The following NRXN3 variants were observed in gnomAD, a reference collection of about 807,000 sequenced individuals.
NRXN3 encodes the protein neurexin 3.
Under a neutral mutation model 137.6 loss-of-function variants are expected in NRXN3, and 32 were observed. That is an observed-to-expected ratio of 0.23 (90% confidence interval 0.18 to 0.31). NRXN3 has a LOEUF of 0.31. Among genes scored for constraint, NRXN3 ranks in the 10% least tolerant of loss-of-function variants. NRXN3 has a pLI of 1.00. For synonymous variants in NRXN3, 798 were observed against 784.5 expected, an observed-to-expected ratio of 1.02 and a Z score of -0.29; for missense variants, 1,574 against 2,062.5, an observed-to-expected ratio of 0.76 and a Z score of 4.59.
intron 15 of NRXN3, among the ~76,000 whole-genome samples, chr14:79,349,622 C>A (rs2093103582): frequency 6.6e-6 from 1 of 150,450 alleles, no homozygotes; most frequent in South Asian, 2.1e-4. Flanking sequence ...GATGTCCTAA[C>A]CTCTAGTACC....
intron 20 of NRXN3, among the ~76,000 whole-genome samples, chr14:79,839,315 G>C (rs947068649): frequency 6.6e-6 from 1 of 152,018 alleles, no homozygotes; most frequent in African/African-American, 2.4e-5. Context: ...CTTGAACAGG[G>C]TTACATTGTA....
intron 1 of NRXN3, among the ~76,000 whole-genome samples, chr14:78,208,489 C>T (rs1421773390): frequency 6.6e-6 from 1 of 152,206 alleles, no homozygotes; most frequent in Non-Finnish European, 1.5e-5. Flanking sequence ...ATCAGTTATT[C>T]ATCTTTTAAA....
chr14:78,788,944 T>G (rs1252144785), intron 8 of NRXN3, among the ~76,000 whole-genome samples: 1 of 152,166 alleles, frequency 6.6e-6, no homozygotes, highest in Admixed American at 6.5e-5. Context: ...AAGCAATGAT[T>G]CTGAATGGGA....
At chr14:78,744,955 G>GT in intron 8 of NRXN3, 1 of 152,184 alleles carries the variant, frequency 6.6e-6, no homozygotes, top group Non-Finnish European at 1.5e-5. Context: ...CTGATCAGCA[G>GT]TTTTGACCAG....
chr14:78,872,411 A>G (rs1358756396), intron 10 of NRXN3, among the ~76,000 whole-genome samples: 2 of 151,144 alleles, frequency 1.3e-5, no homozygotes, highest in African/African-American at 2.4e-5. Context: ...CATATTAATG[A>G]TGAGGCTTTT....
intron 6 of NRXN3, among the ~76,000 whole-genome samples, chr14:78,677,857 C>A (rs745355112): frequency 4.9e-4 from 75 of 152,258 alleles, no homozygotes; most frequent in Middle Eastern, 3.4e-3. Flanking sequence ...CTGAGGCAGA[C>A]CCTACACCAG....
At chr14:78,882,727 C>T (rs2152659080) in intron 10 of NRXN3, among the ~76,000 whole-genome samples, 1 of 151,662 alleles carries the variant, frequency 6.6e-6, no homozygotes, top group South Asian at 2.1e-4. Context: ...TGGACTTGGA[C>T]TTTTGAGTTA....
chr14:79,506,634 T>G (rs1189290114), intron 16 of NRXN3, among the ~76,000 whole-genome samples: 3 of 152,226 alleles, frequency 2.0e-5, no homozygotes, highest in Non-Finnish European at 4.4e-5. Context: ...TTTCCTCTAC[T>G]ATTCTATCTA....
At position 79,072,910 on chromosome 14, in the gene NRXN3, A is replaced by C. The variant is rs116561258; in HGVS notation, c.3262+84769A>C. On this transcript the variant is annotated intron_variant, in intron 15 of 20. Coordinates refer to ENST00000335750, the MANE Select transcript of NRXN3 (RefSeq NM_001330195.2). ...TCTTTTTTTTTTTTTTGAGACGGAT[A>C]GTTTCATTCCTGTCGCCCAGGCTGG... Among the ~76,000 whole-genome samples, 704 of 135,340 alleles carry C rather than the reference A, an allele frequency of 5.2e-3. 7 individuals carry two copies. The highest frequency in any genetic ancestry group is 0.018 in the African/African-American group (661 of 37,078). 88.8% of individuals were successfully genotyped at this position (135,340 alleles called of 152,430 possible).
intron 14 of NRXN3, among the ~76,000 whole-genome samples, chr14:78,971,696 C>T (rs1290300064): frequency 1.3e-5 from 2 of 152,012 alleles, no homozygotes; most frequent in African/African-American, 2.4e-5. Context: ...AGTGCAGTGG[C>T]GTGATCTCGG....
At chr14:78,302,003 T>C (rs1198731582) in intron 4 of NRXN3, among the ~76,000 whole-genome samples, 1 of 152,102 alleles carries the variant, frequency 6.6e-6, no homozygotes, top group Non-Finnish European at 1.5e-5. Context: ...GAATAAATGA[T>C]TAAAGGGCTA....
intron 5 of NRXN3, among the ~76,000 whole-genome samples, chr14:78,646,592 C>T (rs1011802677): frequency 2.6e-5 from 4 of 152,178 alleles, no homozygotes; most frequent in Non-Finnish European, 4.4e-5. Flanking sequence ...GAATACTAAA[C>T]AAATGGTATA....
intron 15 of NRXN3, among the ~76,000 whole-genome samples, chr14:79,272,996 C>A (rs868251585): frequency 3.2e-4 from 49 of 151,588 alleles, no homozygotes; most frequent in African/African-American, 1.1e-3. Flanking sequence ...CATGGTGAAA[C>A]CCCATCTCTA....
chr14:78,675,463 T>C (rs1234962006), intron 6 of NRXN3, among the ~76,000 whole-genome samples: 1 of 152,212 alleles, frequency 6.6e-6, no homozygotes, highest in African/African-American at 2.4e-5. Flanking sequence ...AGTGCATTTC[T>C]GTTTACCATA....
intron 4 of NRXN3, among the ~76,000 whole-genome samples, chr14:78,451,110 C>T (rs2094541483): frequency 6.6e-6 from 1 of 152,140 alleles, no homozygotes; most frequent in South Asian, 2.1e-4. Context: ...ACCTCTTCCC[C>T]TTATTGCTGC....
At chr14:78,987,921 G>T in intron 14 of NRXN3, 101 bp from the exon 15 acceptor site, 1 of 1,306,676 alleles carries the variant, frequency 7.7e-7, no homozygotes, top group Non-Finnish European at 1.0e-6. Context: ...ATGTTTGGGG[G>T]CATGAGAATG....
chr14:78,796,896 T>C (rs1487905688), intron 8 of NRXN3, among the ~76,000 whole-genome samples: 2 of 152,092 alleles, frequency 1.3e-5, no homozygotes, highest in Admixed American at 6.5e-5. Context: ...TCTGGAAGAC[T>C]GTATTTATTC....
chr14:79,540,432 T>C (rs190435716), intron 16 of NRXN3, among the ~76,000 whole-genome samples: 112 of 152,264 alleles, frequency 7.4e-4, no homozygotes, highest in African/African-American at 2.6e-3. Context: ...GGTGAGAGCA[T>C]TCAAAATCTT....
intron 15 of NRXN3, among the ~76,000 whole-genome samples, chr14:79,222,018 C>T (rs2069804743): frequency 6.6e-6 from 1 of 152,274 alleles, no homozygotes; most frequent in Middle Eastern, 3.4e-3. Context: ...GAAATCCTTT[C>T]CCCATTGCTT....
Sources: gnomAD v4.1 joint callset for allele counts (sites outside exome capture counted in the v4.1 genomes callset) on GRCh38, gnomAD v4.1.1 for gene constraint, MANE v1.5 for transcripts, NCBI Gene and HGNC (gene_info 2026-07-23, HGNC 2026-07-21) for gene names.